The following BBX variants were observed in gnomAD, a reference collection of about 807,000 sequenced individuals.
The protein encoded by BBX is HMG box transcription factor BBX.
A neutral mutation model predicts 100.2 loss-of-function variants in BBX; 30 were observed. The observed-to-expected ratio is 0.30, with a 90% CI of 0.22 to 0.41. BBX has a LOEUF of 0.41. Ranked by LOEUF, BBX falls within the 10% of genes least tolerant of loss-of-function variation. BBX has a pLI of 1.00. For synonymous variants in BBX, 376 were observed against 388.1 expected, an observed-to-expected ratio of 0.97 and a Z score of 0.37; for missense variants, 1,023 against 1,129.8, an observed-to-expected ratio of 0.91 and a Z score of 1.35.
chr3:107,670,547 TA>T (rs2058967529), intron 3 of BBX, among the ~76,000 whole-genome samples: 2 of 152,114 alleles, frequency 1.3e-5, no homozygotes, highest in African/African-American at 4.8e-5. Context: ...GTATAGCTGT[TA>T]TATGTCAATT....
chr3:107,745,505 A>G (rs1029353849), intron 8 of BBX, among the ~76,000 whole-genome samples: 1 of 152,094 alleles, frequency 6.6e-6, no homozygotes, highest in African/African-American at 2.4e-5. Context: ...TCTGTCATCC[A>G]GGCTAGAGTG....
chr3:107,796,824 T>A (rs1005256499), intron 15 of BBX, among the ~76,000 whole-genome samples: 2 of 152,168 alleles, frequency 1.3e-5, no homozygotes, highest in Admixed American at 1.3e-4. Context: ...AGTAAATTAA[T>A]CCACCATTGA....
intron 3 of BBX, among the ~76,000 whole-genome samples, chr3:107,676,996 A>C (rs895800329): frequency 2.6e-5 from 4 of 152,032 alleles, no homozygotes; most frequent in Non-Finnish European, 5.9e-5. Context: ...TTTTTCTCTG[A>C]AGGTTGGTTG....
intron 13 of BBX, among the ~76,000 whole-genome samples, chr3:107,781,182 C>T (rs1281204835): frequency 1.3e-5 from 2 of 151,850 alleles, no homozygotes; most frequent in Non-Finnish European, 2.9e-5. Flanking sequence ...GGATTTATTC[C>T]TCTGTTTTCC....
intron 2 of BBX, among the ~76,000 whole-genome samples, chr3:107,552,544 C>T (rs1367425272): frequency 1.3e-5 from 2 of 151,864 alleles, no homozygotes; most frequent in Admixed American, 6.6e-5. Flanking sequence ...CACGAGCTTT[C>T]GCTATGGTAG....
intron 14 of BBX, 150 bp from the exon 15 acceptor site, chr3:107,791,090 C>T (rs1049141636): frequency 3.5e-6 from 2 of 574,544 alleles, no homozygotes; most frequent in African/African-American, 1.9e-5. Context: ...TGGCAAATAC[C>T]ATTTTAAGAA....
At chr3:107,788,636 A>G (rs761971241) in intron 13 of BBX, among the ~76,000 whole-genome samples, 5 of 151,990 alleles carry the variant, frequency 3.3e-5, no homozygotes, top group Non-Finnish European at 5.9e-5. Flanking sequence ...TTAGCCAGGC[A>G]TGGTGATCCC....
At chr3:107,574,872 A>G (rs2051655329) in intron 2 of BBX, among the ~76,000 whole-genome samples, 1 of 152,198 alleles carries the variant, frequency 6.6e-6, no homozygotes, top group African/African-American at 2.4e-5. Context: ...TTCCTGGGTT[A>G]GTGAAGTGGT....
intron 10 of BBX, among the ~76,000 whole-genome samples, chr3:107,758,633 C>G (rs1009903891): frequency 1.3e-5 from 2 of 152,114 alleles, no homozygotes; most frequent in Admixed American, 6.5e-5. Context: ...GCCTGTAACC[C>G]AACCACCCGA....
chr3:107,732,896 C>A, intron 6 of BBX, 60 bp from the exon 7 acceptor site: 3 of 1,361,234 alleles, frequency 2.2e-6, no homozygotes, highest in Non-Finnish European at 3.1e-6. Context: ...TTCTTTTTGA[C>A]TCTGTGGATT....
At chr3:107,598,939 C>G (rs926396714) in intron 2 of BBX, among the ~76,000 whole-genome samples, 2 of 152,098 alleles carry the variant, frequency 1.3e-5, no homozygotes, top group Admixed American at 6.6e-5. Flanking sequence ...CACAATAGGA[C>G]CCAGCTAGGC....
At chr3:107,676,568 T>C (rs1306627190) in intron 3 of BBX, among the ~76,000 whole-genome samples, 1 of 152,194 alleles carries the variant, frequency 6.6e-6, no homozygotes, top group Non-Finnish European at 1.5e-5. Context: ...GCTAATCTTT[T>C]ATCATCATCA....
At chr3:107,741,470 G>T (rs138891817) in intron 7 of BBX, among the ~76,000 whole-genome samples, 31 of 152,214 alleles carry the variant, frequency 2.0e-4, no homozygotes, top group African/African-American at 7.0e-4. Context: ...AGCTATTTTT[G>T]TTTTTGGGCA....
At chr3:107,652,685 A>G (rs1001897211) in intron 3 of BBX, among the ~76,000 whole-genome samples, 2 of 152,190 alleles carry the variant, frequency 1.3e-5, no homozygotes, top group Non-Finnish European at 2.9e-5. Context: ...GTATTTTTAT[A>G]TTGAAGTCTG....
In BBX at chr3:107,716,802, G is replaced by C. The variant is rs1252153172; in HGVS notation, c.358G>C (p.Val120Leu). The C allele has an allele frequency of 6.2e-7, 1 of 1,613,660 alleles. No individual in the cohort carries two copies. Among genetic ancestry groups the C allele is most frequent in the African/African-American group, 1.3e-5 (1 of 75,016 alleles). Residue 120 changes from valine (V) to leucine (L), a missense_variant, in exon 5 of 18, where the codon GTT becomes CTT. Val to Leu is a conservative substitution (Grantham distance 32). This residue lies in a region of BBX where 229 missense variants were observed against 226.3 expected (regional missense o/e 1.01). Transcript: ENST00000325805. ...ATKILADWWA[V>L]LDPKEKQKYT... ...CAAGATACTAGCTGATTGGTGGGCT[G>C]TTCTTGATCCAAAGGAAAAGCAGAA...
chr3:107,794,672 G>A (rs1360296514), intron 15 of BBX, among the ~76,000 whole-genome samples: 3 of 152,132 alleles, frequency 2.0e-5, no homozygotes, highest in African/African-American at 7.2e-5. Flanking sequence ...TTTTTCCTGT[G>A]TTCTATTCAG....
rs1419846116 is a variant in BBX at position 107,733,010 on chromosome 3, T to G, written c.656T>G (p.Leu219Arg). 6.2e-7 allele frequency: 1 copy of G among 1,613,116 alleles called. No homozygotes were observed. Among genetic ancestry groups the G allele is most frequent in the Non-Finnish European group, 8.5e-7 (1 of 1,179,542 alleles). ...SMLLLAGEHALGTPEVSSGTC... is the reference protein window; with the variant it reads ...SMLLLAGEHARGTPEVSSGTC... ...CTGCTGTTAGCTGGAGAACATGCTCTTGGCACACCAGAGGTAAGCCAGTCC... is the reference window on the plus strand; with the variant it reads ...CTGCTGTTAGCTGGAGAACATGCTCGTGGCACACCAGAGGTAAGCCAGTCC... The change falls in exon 7 of 18, where the codon CTT (leucine) becomes CGT (arginine). Residue 219 changes from leucine (L) to arginine (R), a missense_variant. Leu to Arg is a moderately radical substitution (Grantham distance 102). Around this residue, in one of 9 missense-constraint regions of BBX, gnomAD observed 95 missense variants for 95.1 expected, o/e 1.00. Coordinates refer to ENST00000325805, the MANE Select transcript of BBX (RefSeq NM_001142568.3).
At chr3:107,738,319 G>A (rs1015732025) in intron 7 of BBX, among the ~76,000 whole-genome samples, 5 of 152,004 alleles carry the variant, frequency 3.3e-5, no homozygotes, top group Admixed American at 1.3e-4. Flanking sequence ...GTCTCTAGAA[G>A]ACTAAGAAAC....
chr3:107,652,715 T>G (rs2057911632), intron 3 of BBX, among the ~76,000 whole-genome samples: 1 of 152,158 alleles, frequency 6.6e-6, no homozygotes. Flanking sequence ...TGATCTCTAT[T>G]ATAGAGAAGT....
Sources: allele counts gnomAD v4.1 joint callset (sites outside exome capture counted in the v4.1 genomes callset), GRCh38; gene constraint gnomAD v4.1.1; regional missense constraint gnomAD v4.1.1; transcripts MANE v1.5; gene names NCBI Gene and HGNC (gene_info 2026-07-23, HGNC 2026-07-21).